Variants in ATM observed in about 807,000 individuals in gnomAD.
ATM encodes the protein serine-protein kinase ATM.
Under a neutral mutation model 387.0 loss-of-function variants are expected in ATM, and 308 were observed. The observed-to-expected ratio is 0.80, with a 90% confidence interval of 0.73 to 0.87. The LOEUF is 0.87. ATM is among the 40% of genes least tolerant of loss of function. The pLI is 0.00. For synonymous variants in ATM, 1,156 were observed against 1,187.3 expected (o/e 0.97, Z 0.54); for missense variants, 3,312 against 3,560.9 (o/e 0.93, Z 1.78).
intron 16 of ATM, among the ~76,000 whole-genome samples, chr11:108,261,262 T>A (rs1591560512): frequency 6.6e-6 from 1 of 152,292 alleles, no homozygotes; most frequent in East Asian, 1.9e-4. Context: ...GAGCAGTGGT[T>A]CTCCCAGCAC....
chr11:108,346,129 T>G (rs981244158), intron 58 of ATM, among the ~76,000 whole-genome samples: 1 of 152,168 alleles, frequency 6.6e-6, no homozygotes, highest in Non-Finnish European at 1.5e-5. Flanking sequence ...ATTCTCCTAC[T>G]TCAATAAATA....
At chr11:108,299,922 A>T in intron 34 of ATM, 37 bp downstream of exon 34, 1 of 1,556,644 alleles carries the variant, frequency 6.4e-7, no homozygotes. Context: ...TAATCTCAAT[A>T]TGACATTCAT....
chr11:108,353,803 TGAGACA>T lies in ATM; in HGVS notation c.8711_8716del (p.Glu2904_Thr2905del). ...AACAGGGCAAAATCCTTCCTACTCC[TGAGACA>T]GTTCCTTTTAGACTCACCAGAGATA... On this transcript the variant is annotated inframe_deletion, in exon 60 of 63. Coordinates refer to ENST00000675843, the MANE Select transcript of ATM (RefSeq NM_000051.4). 1 of 1,614,154 alleles carries T rather than the reference TGAGACA, an allele frequency of 6.2e-7. No individual in the cohort carries two copies.
chr11:108,233,200 CA>C (rs1349928813), intron 4 of ATM, among the ~76,000 whole-genome samples: 1 of 152,124 alleles, frequency 6.6e-6, no homozygotes, highest in African/African-American at 2.4e-5. Flanking sequence ...TGCTTTTGTA[CA>C]AAGCTTAAAT....
chr11:108,336,164 A>T, intron 56 of ATM: 1 of 495,720 alleles, frequency 2.0e-6, no homozygotes, highest in Non-Finnish European at 3.6e-6. Flanking sequence ...AAAGCCAGAG[A>T]TGATGGCATG....
At chr11:108,246,916 A>T (rs2135263382) in intron 7 of ATM, 48 bp from the exon 8 acceptor site, 1 of 1,489,776 alleles carries the variant, frequency 6.7e-7, no homozygotes, top group African/African-American at 1.4e-5. Flanking sequence ...CTAGCAGTGT[A>T]AACAGAGTAC....
rs1289926943 is a variant in ATM at position 108,365,454 on chromosome 11, C to T, written c.9117C>T (p.Ala3039=). Residue 3039 remains alanine, a synonymous_variant, in exon 63 of 63, where the codon GCC becomes GCT. Coordinates refer to ENST00000675843, the MANE Select transcript of ATM (RefSeq NM_000051.4). ...GGQVNLLIQQ[A]IDPKNLSRLF... ...AAGTGAATTTGCTCATACAGCAGGCCATAGACCCCAAAAATCTCAGCCGAC... is the reference window on the plus strand; with the variant it reads ...AAGTGAATTTGCTCATACAGCAGGCTATAGACCCCAAAAATCTCAGCCGAC... 3 of 1,614,162 alleles carry T rather than the reference C, an allele frequency of 1.9e-6. No homozygotes were observed. The Admixed American group carries it at 5.0e-5, about 27-fold the overall frequency.
chr11:108,245,058 G>A (rs2135245508), intron 7 of ATM, 32 bp downstream of exon 7: 1 of 1,531,914 alleles, frequency 6.5e-7, no homozygotes, highest in South Asian at 1.1e-5. Context: ...TTTTGAATTT[G>A]CTTCTTCATT....
chr11:108,330,111 TAAAA>T, intron 49 of ATM, 99 bp from the exon 50 acceptor site: 1 of 1,372,300 alleles, frequency 7.3e-7, no homozygotes, highest in Non-Finnish European at 1.0e-6. Context: ...TTCCCTGGGA[TAAAA>T]ACCCAACTTT....
At chr11:108,301,248 A>G (rs2083416931) in intron 34 of ATM, among the ~76,000 whole-genome samples, 1 of 152,196 alleles carries the variant, frequency 6.6e-6, no homozygotes, top group South Asian at 2.1e-4. Context: ...GGAAGCAGGT[A>G]CAAGTTTTTT....
At chr11:108,325,796 T>G (rs2085616746) in intron 46 of ATM, among the ~76,000 whole-genome samples, 1 of 152,202 alleles carries the variant, frequency 6.6e-6, no homozygotes, top group African/African-American at 2.4e-5. Flanking sequence ...CTTACTATAT[T>G]GATAACAATT....
At chr11:108,255,222 A>G (rs1206508455) in intron 13 of ATM, among the ~76,000 whole-genome samples, 6 of 152,190 alleles carry the variant, frequency 3.9e-5, no homozygotes, top group African/African-American at 1.4e-4. Flanking sequence ...ACTTGAGGAC[A>G]TGAGAGGGGA....
intron 20 of ATM, 55 bp downstream of exon 20, chr11:108,271,461 A>G: frequency 6.2e-7 from 1 of 1,600,820 alleles, no homozygotes; most frequent in Non-Finnish European, 8.6e-7. Flanking sequence ...GTGGATACGA[A>G]TGCAAGTTTT....
rs587779877 is a variant in ATM at position 108,365,431 on chromosome 11, G to C, written c.9094G>C (p.Val3032Leu). The C allele has an allele frequency of 1.1e-5, 17 of 1,614,070 alleles. No individual in the cohort carries two copies. Among genetic ancestry groups the C allele is most frequent in the South Asian group, 2.2e-5 (2 of 91,090 alleles). ...EGTVLSVGGQ[V>L]NLLIQQAIDP... is the part of the protein sequence containing the mutation. The stretch of plus-strand genomic sequence containing the variant: ...CACTGTGCTCAGTGTTGGTGGACAA[G>C]TGAATTTGCTCATACAGCAGGCCAT... Residue 3032 changes from valine (V) to leucine (L), a missense_variant, in exon 63 of 63, where the codon GTG becomes CTG. Coordinates refer to ENST00000675843, the MANE Select transcript of ATM (RefSeq NM_000051.4).
rs1439350674 is a variant in ATM, at chr11:108,267,361, C to A, written c.2638+19C>A. 1 of 1,610,690 alleles carries A rather than the reference C, an allele frequency of 6.2e-7. No homozygotes were observed. The highest frequency in any genetic ancestry group is 8.5e-7 in the Non-Finnish European group (1 of 1,177,090). ...ACCATAGGTAAATACATATTTACTA[C>A]TTGGGATTTCTTTTACTTCTTTATA... On this transcript the variant is annotated intron_variant, in intron 17 of 62. Coordinates refer to ENST00000675843, the MANE Select transcript of ATM (RefSeq NM_000051.4).
chr11:108,227,357 A>G (rs189824486), intron 1 of ATM: 24 of 411,740 alleles, frequency 5.8e-5, no homozygotes, highest in East Asian at 4.8e-4. Flanking sequence ...AAGCAAGGCA[A>G]ACATTTTTGT....
At chr11:108,309,750 A>G (rs942744373) in intron 38 of ATM, among the ~76,000 whole-genome samples, 1 of 152,224 alleles carries the variant, frequency 6.6e-6, no homozygotes, top group Non-Finnish European at 1.5e-5. Context: ...TGTGTCTTAG[A>G]TGAAACAATA....
chr11:108,356,540 T>G (rs1386797716), intron 61 of ATM, among the ~76,000 whole-genome samples: 1 of 97,824 alleles, frequency 1.0e-5, no homozygotes, highest in Admixed American at 1.2e-4. Context: ...CTGTCTGTCT[T>G]AAAAAAAAAA....
At position 108,353,881 on chromosome 11, in the gene ATM, G is replaced by A. The variant is rs17174393; in HGVS notation, c.8786+1G>A. Reference sequence around the variant, plus strand: ...CGGGTGTTGAAGGTGTCTTCAGAAGGTAAGTGATATGAAGTAAAGGAGGGA... The same window carrying A: ...CGGGTGTTGAAGGTGTCTTCAGAAGATAAGTGATATGAAGTAAAGGAGGGA... On this transcript the variant is annotated splice_donor_variant, in intron 60 of 62. Transcript: ENST00000675843. LOFTEE classifies it high-confidence loss of function. 3.0e-5 allele frequency: 48 copies of A among 1,608,514 alleles called. No homozygotes were observed. Among genetic ancestry groups the A allele is most frequent in the Non-Finnish European group, 3.9e-5 (46 of 1,175,114 alleles).
Sources: gnomAD v4.1 joint callset for allele counts (sites outside exome capture counted in the v4.1 genomes callset) on GRCh38, gnomAD v4.1.1 for gene constraint, MANE v1.5 for transcripts, NCBI Gene and HGNC (gene_info 2026-07-23, HGNC 2026-07-21) for gene names.